The following IQSEC1 variants were observed in gnomAD, a reference collection of about 807,000 sequenced individuals.
IQSEC1 encodes IQ motif and Sec7 domain ArfGEF 1.
Under a neutral mutation model 91.0 loss-of-function variants are expected in IQSEC1, and 31 were observed. That is an observed-to-expected ratio of 0.34 (90% CI 0.26 to 0.46). The LOEUF is 0.46. Ranked by LOEUF, IQSEC1 falls within the 20% of genes least tolerant of loss-of-function variation. The pLI, the probability that IQSEC1 is intolerant of heterozygous loss-of-function variation, is 1.00. For missense variants in IQSEC1, 1,388 were observed against 1,575.6 expected (o/e 0.88, Z 2.02); for synonymous variants, 699 against 662.6 (o/e 1.05, Z -0.84).
At chr3:13,146,276 C>T (rs528899294) in intron 2 of IQSEC1, among the ~76,000 whole-genome samples, 9 of 152,246 alleles carry the variant, frequency 5.9e-5, no homozygotes, top group Admixed American at 3.9e-4. Context: ...TGTGAGCCAC[C>T]GCGTCTGGCC....
chr3:13,058,239 C>T (rs181949399), intron 1 of IQSEC1, among the ~76,000 whole-genome samples: 1 of 152,324 alleles, frequency 6.6e-6, no homozygotes, highest in African/African-American at 2.4e-5. Flanking sequence ...CGCCACTGCA[C>T]TCCAGCCTGG....
At chr3:13,067,813 C>A (rs1056745335) in intron 1 of IQSEC1, among the ~76,000 whole-genome samples, 3 of 152,248 alleles carry the variant, frequency 2.0e-5, no homozygotes, top group Non-Finnish European at 4.4e-5. Context: ...TTGTGGGATT[C>A]AACAAGATAA....
At chr3:13,263,058 G>A (rs1194506938) in intron 1 of IQSEC1, among the ~76,000 whole-genome samples, 7 of 152,160 alleles carry the variant, frequency 4.6e-5, no homozygotes, top group Non-Finnish European at 2.9e-5. Flanking sequence ...GACCAGCCTG[G>A]TAAACATGGT....
At chr3:13,250,117 C>A (rs1695168992) in intron 1 of IQSEC1, among the ~76,000 whole-genome samples, 1 of 152,230 alleles carries the variant, frequency 6.6e-6, no homozygotes, top group Non-Finnish European at 1.5e-5. Flanking sequence ...TATGACATAA[C>A]CTTCTTAGCC....
intron 6 of IQSEC1, among the ~76,000 whole-genome samples, chr3:12,918,338 T>A (rs1696303503): frequency 6.6e-6 from 1 of 152,142 alleles, no homozygotes; most frequent in Non-Finnish European, 1.5e-5. Context: ...GAACTGGCAG[T>A]ACTGGGTGCA....
intron 12 of IQSEC1, among the ~76,000 whole-genome samples, chr3:12,903,677 C>A (rs1251983822): frequency 6.6e-6 from 1 of 152,192 alleles, no homozygotes; most frequent in Admixed American, 6.5e-5. Context: ...CCTCCACAGT[C>A]CCTCCTGAGG....
chr3:12,993,544 G>A (rs569326849), intron 1 of IQSEC1, among the ~76,000 whole-genome samples: 1 of 152,194 alleles, frequency 6.6e-6, no homozygotes. Context: ...CGACCCTCGG[G>A]GTCTGGATTC....
intron 1 of IQSEC1, among the ~76,000 whole-genome samples, chr3:13,263,677 G>A (rs112829414): frequency 0.041 from 6,315 of 152,206 alleles, 423 homozygotes; most frequent in African/African-American, 0.14. Context: ...TCCTGACCTC[G>A]TGATTGGACC....
chr3:13,277,582 A>G (rs1227020656), intron 1 of IQSEC1, among the ~76,000 whole-genome samples: 2 of 151,962 alleles, frequency 1.3e-5, no homozygotes, highest in Non-Finnish European at 2.9e-5. Context: ...CACTCTCCCC[A>G]CTCCCTTGGA....
chr3:13,201,693 G>A (rs1694249820), intron 1 of IQSEC1, among the ~76,000 whole-genome samples: 1 of 152,150 alleles, frequency 6.6e-6, no homozygotes, highest in South Asian at 2.1e-4. Flanking sequence ...TCACAGGCAT[G>A]GCCACAACAG....
chr3:13,124,717 G>A (rs960296889), intron 2 of IQSEC1, among the ~76,000 whole-genome samples: 1 of 152,092 alleles, frequency 6.6e-6, no homozygotes, highest in African/African-American at 2.4e-5. Context: ...CGGGGGCCCC[G>A]CCCATCAGAC....
chr3:13,071,154 TTTTTTTTTTTTTG>T lies in IQSEC1; in HGVS notation c.23+1825_23+1837del, dbSNP rs1437536857. On this transcript the variant is annotated intron_variant, in intron 1 of 13. Transcript: ENST00000613206. ...GTGGGACCCACACAGTTTTTTTTTG[TTTTTTTTTTTTTG>T]TTTGTTTCTTTAACTGCTCCTCAAG... Among the ~76,000 whole-genome samples the T allele has an allele frequency of 0.016, 606 of 36,964 alleles. 36 individuals carry two copies. The East Asian group carries it at 0.34, about 21-fold the overall frequency. 24.2% of individuals were successfully genotyped at this position (36,964 alleles called of 152,430 possible).
At position 12,900,464 on chromosome 3, in the gene IQSEC1, T is replaced by C. The variant is rs1315096776; in HGVS notation, c.*519A>G. On this transcript the variant is annotated 3_prime_UTR_variant, in exon 14 of 14. Coordinates refer to ENST00000613206, the MANE Select transcript of IQSEC1 (RefSeq NM_001134382.3). ...ACTACCTATACAGTATATATATATA[T>C]ATATTTATATATTTATATATTTATA... 2.5e-5 allele frequency: 16 copies of C among 650,392 alleles called. 1 individual carries two copies. Among genetic ancestry groups the C allele is most frequent in the South Asian group, 2.1e-4 (3 of 14,562 alleles). 40.3% of individuals were successfully genotyped at this position (650,392 alleles called of 1,614,324 possible). A position where few individuals can be genotyped will look rare whatever the true frequency, so the allele number is the denominator to read the frequency against.
At chr3:13,050,633 C>T (rs1481158728) in intron 1 of IQSEC1, among the ~76,000 whole-genome samples, 2 of 152,252 alleles carry the variant, frequency 1.3e-5, no homozygotes, top group African/African-American at 4.8e-5. Context: ...ATGCCACCTA[C>T]TAGCTGAGTG....
At chr3:13,196,932 C>T (rs1378891825) in intron 1 of IQSEC1, among the ~76,000 whole-genome samples, 2 of 152,038 alleles carry the variant, frequency 1.3e-5, no homozygotes, top group Non-Finnish European at 2.9e-5. Context: ...GTGGGGGTGT[C>T]ACCGGGCAGC....
chr3:12,900,450 A>G lies in IQSEC1; in HGVS notation c.*533T>C. On this transcript the variant is annotated 3_prime_UTR_variant, in exon 14 of 14. Coordinates refer to ENST00000613206, the MANE Select transcript of IQSEC1 (RefSeq NM_001134382.3). ...TTTCACACACAAGTACTACCTATAC[A>G]GTATATATATATATATATTTATATA... 4.0e-6 allele frequency: 3 copies of G among 745,914 alleles called. No homozygotes were observed. The highest frequency in any genetic ancestry group is 4.9e-6 in the Non-Finnish European group (3 of 613,800). The allele number at this position is 745,914 out of a possible 1,614,324, so 46.2% of individuals were successfully genotyped here.
intron 2 of IQSEC1, among the ~76,000 whole-genome samples, chr3:13,104,056 G>A (rs377352816): frequency 1.3e-5 from 2 of 152,068 alleles, no homozygotes; most frequent in African/African-American, 4.8e-5. Context: ...GCTGAGATTC[G>A]AACCCAGGCC....
intron 2 of IQSEC1, among the ~76,000 whole-genome samples, chr3:13,083,016 G>A (rs755777185): frequency 8.5e-5 from 13 of 152,132 alleles, no homozygotes; most frequent in East Asian, 1.9e-4. Flanking sequence ...CCTCACAGTC[G>A]TCGACCTGAG....
At chr3:13,076,099 C>T (rs568907772), upstream of IQSEC1, among the ~76,000 whole-genome samples, 4 of 152,330 alleles carry the variant, frequency 2.6e-5, no homozygotes, top group African/African-American at 9.6e-5. Flanking sequence ...TCCTCACTTT[C>T]GCAGTTGTAA....
Sources: allele counts gnomAD v4.1 joint callset (sites outside exome capture counted in the v4.1 genomes callset), GRCh38; gene constraint gnomAD v4.1.1; transcripts MANE v1.5; gene names NCBI Gene and HGNC (gene_info 2026-07-23, HGNC 2026-07-21).